GULP1: variants seen among roughly 807,000 people sequenced by gnomAD.
GULP1 encodes the protein PTB domain-containing engulfment adapter protein 1.
GULP1 carries 19 observed loss-of-function variants against 40.9 expected under a neutral mutation model. The observed-to-expected ratio is 0.46, with a 90% CI of 0.32 to 0.68. The LOEUF is 0.68. Among genes scored for constraint, GULP1 ranks in the 30% least tolerant of loss-of-function variants. The pLI is 0.03. For missense variants in GULP1, 312 were observed against 362.2 expected (o/e 0.86, Z 1.12); for synonymous variants, 119 against 117.6 (o/e 1.01, Z -0.08).
In GULP1 at chr2:188,569,704, T is replaced by A. The variant is rs185114663; in HGVS notation, c.517-324T>A. On this transcript the variant is annotated intron_variant, in intron 8 of 11. Transcript: ENST00000409830. ...AATTAAATTATGCCTTTCTCCACTC[T>A]TCAAAATCATCATAAGCAAGTTTCA... 6.4e-4 allele frequency: 227 copies of A among 353,760 alleles called. 2 individuals carry two copies. The highest frequency in any genetic ancestry group is 4.7e-3 in the African/African-American group (215 of 46,160). The allele number at this position is 353,760 out of a possible 1,614,324, so 21.9% of individuals were successfully genotyped here.
intron 6 of GULP1, among the ~76,000 whole-genome samples, chr2:188,532,829 G>C (rs1687912610): frequency 6.6e-6 from 1 of 151,998 alleles, no homozygotes; most frequent in Non-Finnish European, 1.5e-5. Flanking sequence ...GCTGAGGCAG[G>C]AGAATCGCTT....
intron 11 of GULP1, chr2:188,593,298 T>G (rs12693504): frequency 1.3e-5 from 2 of 152,012 alleles, no homozygotes; most frequent in Non-Finnish European, 2.9e-5. Context: ...AAACACTTTC[T>G]TAGCAATTGT....
chr2:188,453,441 A>G (rs1273634988), intron 2 of GULP1, among the ~76,000 whole-genome samples: 1 of 152,086 alleles, frequency 6.6e-6, no homozygotes, highest in Admixed American at 6.5e-5. Flanking sequence ...AACTCATTAT[A>G]TGTGCCCTCT....
intron 1 of GULP1, among the ~76,000 whole-genome samples, chr2:188,308,700 C>A (rs915896875): frequency 3.3e-5 from 5 of 152,164 alleles, no homozygotes; most frequent in African/African-American, 1.2e-4. Context: ...ACCAGACATT[C>A]CCATGGTGTG....
intron 1 of GULP1, among the ~76,000 whole-genome samples, chr2:188,351,383 C>T (rs766830344): frequency 1.2e-4 from 19 of 152,066 alleles, no homozygotes; most frequent in Non-Finnish European, 1.3e-4. Context: ...CTTAAAATAA[C>T]GCTTCTGACT....
chr2:188,431,558 C>T (rs1031223081), intron 2 of GULP1, among the ~76,000 whole-genome samples: 2 of 151,892 alleles, frequency 1.3e-5, no homozygotes, highest in Non-Finnish European at 2.9e-5. Flanking sequence ...TTATACTAAC[C>T]AATTATTTAG....
chr2:188,374,474 T>C (rs2048033965), intron 1 of GULP1, among the ~76,000 whole-genome samples: 1 of 152,136 alleles, frequency 6.6e-6, no homozygotes, highest in African/African-American at 2.4e-5. Context: ...TATTTATTTC[T>C]CTCTCATAGC....
At chr2:188,511,923 G>A (rs2064599324) in intron 4 of GULP1, among the ~76,000 whole-genome samples, 1 of 151,864 alleles carries the variant, frequency 6.6e-6, no homozygotes, top group African/African-American at 2.4e-5. Flanking sequence ...CCTTTTGTTG[G>A]TGTATCTATT....
intron 2 of GULP1, among the ~76,000 whole-genome samples, chr2:188,404,670 G>A (rs1002181828): frequency 6.6e-6 from 1 of 152,200 alleles, no homozygotes; most frequent in Non-Finnish European, 1.5e-5. Context: ...TTGTTAGGCT[G>A]ACCCCTGTGG....
intron 4 of GULP1, among the ~76,000 whole-genome samples, chr2:188,484,816 G>C (rs1318517101): frequency 6.6e-6 from 1 of 151,962 alleles, no homozygotes; most frequent in African/African-American, 2.4e-5. Flanking sequence ...TTTTTTTCTT[G>C]CTGACTTACC....
intron 2 of GULP1, among the ~76,000 whole-genome samples, chr2:188,402,103 A>C (rs1264376628): frequency 5.9e-5 from 9 of 152,088 alleles, no homozygotes; most frequent in Admixed American, 5.9e-4. Context: ...CACGTAATGG[A>C]TGATATGATG....
chr2:188,542,732 T>G (rs1193164772), intron 7 of GULP1, among the ~76,000 whole-genome samples: 1 of 152,182 alleles, frequency 6.6e-6, no homozygotes, highest in African/African-American at 2.4e-5. Flanking sequence ...TTCTGATGAA[T>G]GAATAAATAA....
intron 2 of GULP1, among the ~76,000 whole-genome samples, chr2:188,401,677 G>GT (rs1226131289): frequency 9.9e-5 from 15 of 152,046 alleles, no homozygotes; most frequent in African/African-American, 3.1e-4. Context: ...GGATAGTATT[G>GT]TATGTCCTTA....
intron 2 of GULP1, among the ~76,000 whole-genome samples, chr2:188,408,560 A>T (rs1388981426): frequency 6.6e-6 from 1 of 152,234 alleles, no homozygotes; most frequent in Admixed American, 6.5e-5. Context: ...AGACTGTAGT[A>T]CAATAATATT....
intron 2 of GULP1, among the ~76,000 whole-genome samples, chr2:188,405,980 CT>C (rs1414420322): frequency 6.6e-5 from 10 of 152,130 alleles, no homozygotes; most frequent in African/African-American, 2.2e-4. Context: ...TATGAACCAA[CT>C]GAAAGAGAAT....
At position 188,584,283 on chromosome 2, in the gene GULP1, A is replaced by G. The variant is rs769596572; in HGVS notation, c.628A>G (p.Lys210Glu). The change falls in exon 10 of 12, where the codon AAG (lysine) becomes GAG (glutamate). Residue 210 changes from lysine (K) to glutamate (E), a missense_variant. Lys to Glu is a moderately conservative substitution (Grantham distance 56). Coordinates refer to ENST00000409830, the MANE Select transcript of GULP1 (RefSeq NM_016315.4). The stretch of plus-strand genomic sequence containing the variant: ...ATTGCAGGCAGGCAGTATGACACCT[A>G]AGTCGCCCTCCACTGACATCTTTGA... ...SAPPAGSMTPKSPSTDIFDMI... is the reference protein window; with the variant it reads ...SAPPAGSMTPESPSTDIFDMI... 41 of 1,607,708 alleles carry G rather than the reference A, an allele frequency of 2.6e-5. No individual in the cohort carries two copies. In the Middle Eastern group the frequency reaches 3.5e-3, roughly 136 times the overall value.
intron 1 of GULP1, among the ~76,000 whole-genome samples, chr2:188,317,441 A>G (rs1439080955): frequency 6.6e-6 from 1 of 152,164 alleles, no homozygotes; most frequent in Non-Finnish European, 1.5e-5. Context: ...ACAACCAGAG[A>G]GAAATATATT....
chr2:188,592,394 T>C (rs1703740752), intron 11 of GULP1: 1 of 151,940 alleles, frequency 6.6e-6, no homozygotes, highest in African/African-American at 2.4e-5. Flanking sequence ...AAAAGTTTAC[T>C]TACAGTATTT....
chr2:188,452,002 G>C (rs1197041803), intron 2 of GULP1, among the ~76,000 whole-genome samples: 1 of 152,160 alleles, frequency 6.6e-6, no homozygotes, highest in Non-Finnish European at 1.5e-5. Context: ...GAATTAGGAT[G>C]AATTGTTTTA....
Sources: allele counts gnomAD v4.1 joint callset (sites outside exome capture counted in the v4.1 genomes callset), GRCh38; gene constraint gnomAD v4.1.1; transcripts MANE v1.5; gene names NCBI Gene and HGNC (gene_info 2026-07-23, HGNC 2026-07-21).